SASH1: variants seen among roughly 807,000 people sequenced by gnomAD.
SASH1 encodes SAM and SH3 domain-containing protein 1.
Under a neutral mutation model 125.2 loss-of-function variants are expected in SASH1, and 44 were observed. The ratio of observed to expected loss-of-function variants is 0.35; its 90% CI spans 0.28 to 0.45. The LOEUF is 0.45. Among genes scored for constraint, SASH1 ranks in the 20% least tolerant of loss-of-function variants. SASH1 has a pLI of 1.00. For synonymous variants in SASH1, 639 were observed against 649.1 expected (o/e 0.98, Z 0.24); for missense variants, 1,426 against 1,614.5 (o/e 0.88, Z 2.00).
At chr6:148,348,504 C>T (rs1024046200) in intron 1 of SASH1, among the ~76,000 whole-genome samples, 4 of 152,092 alleles carry the variant, frequency 2.6e-5, no homozygotes, top group Non-Finnish European at 4.4e-5. Flanking sequence ...TCTATGGGGA[C>T]GGAGTGAGAG....
chr6:148,392,249 G>T (rs1245587034), intron 2 of SASH1, among the ~76,000 whole-genome samples: 1 of 147,532 alleles, frequency 6.8e-6, no homozygotes, highest in African/African-American at 2.5e-5. Context: ...TCGCGCCATT[G>T]CACTCCAGCC....
chr6:148,197,722 C>T, the SASH1 span, among the ~76,000 whole-genome samples: 2 of 152,190 alleles, frequency 1.3e-5, no homozygotes, highest in African/African-American at 4.8e-5. Flanking sequence ...GGCTCTGTGT[C>T]CCCACCTGAG....
rs1780278653 is a variant in SASH1, at chr6:148,513,729, C to A, written c.730-595C>A. Reference sequence around the variant, plus strand: ...AATGCAGGGTCTGTCCTCACATTCGCCTTGTGAGCCCTTAGAAGGAGCCGG... The same window carrying A: ...AATGCAGGGTCTGTCCTCACATTCGACTTGTGAGCCCTTAGAAGGAGCCGG... On this transcript the variant is annotated intron_variant, in intron 8 of 19. Transcript: ENST00000367467. 5.1e-6 allele frequency: 5 copies of A among 985,808 alleles called. No individual in the cohort carries two copies. The South Asian group carries it at 2.3e-4, about 46-fold the overall frequency. The allele number at this position is 985,808 out of a possible 1,614,324, so 61.1% of individuals were successfully genotyped here.
chr6:148,286,320 G>A (rs1255458033), intron 1 of SASH1, among the ~76,000 whole-genome samples: 1 of 151,840 alleles, frequency 6.6e-6, no homozygotes, highest in Non-Finnish European at 1.5e-5. Flanking sequence ...AGAATCACTT[G>A]AACCTGGGAG....
chr6:148,302,051 C>T (rs1460643995), intron 1 of SASH1, among the ~76,000 whole-genome samples: 1 of 151,070 alleles, frequency 6.6e-6, no homozygotes, highest in African/African-American at 2.4e-5. Context: ...CGTGGCGGCT[C>T]ACGCCTGTAA....
intron 8 of SASH1, chr6:148,513,761 C>A (rs557726782): frequency 1.1e-4 from 104 of 985,746 alleles, no homozygotes; most frequent in Non-Finnish European, 1.2e-4. Context: ...CCGGGAGAGG[C>A]GGAAGGGCTG....
chr6:148,367,323 A>C (rs1204042244), intron 1 of SASH1, among the ~76,000 whole-genome samples: 1 of 152,260 alleles, frequency 6.6e-6, no homozygotes, highest in Non-Finnish European at 1.5e-5. Context: ...AACACACCTC[A>C]GTCCTTTTAG....
intron 11 of SASH1, among the ~76,000 whole-genome samples, chr6:148,526,030 A>G (rs981641916): frequency 2.9e-5 from 4 of 138,630 alleles, no homozygotes; most frequent in African/African-American, 1.1e-4. Flanking sequence ...CTCAGACCCC[A>G]AGGGTGAAGG....
intron 8 of SASH1, among the ~76,000 whole-genome samples, chr6:148,512,254 G>T (rs1024158558): frequency 6.6e-6 from 1 of 152,072 alleles, no homozygotes; most frequent in East Asian, 1.9e-4. Flanking sequence ...ACCTGACCTC[G>T]TGATCCTCCC....
At chr6:148,342,279 A>G (rs912797457), upstream of SASH1, among the ~76,000 whole-genome samples, 18 of 152,164 alleles carry the variant, frequency 1.2e-4, no homozygotes, top group African/African-American at 4.3e-4. Flanking sequence ...AGGATTTGTA[A>G]TTCCTTGGGT....
At chr6:148,298,009 TA>T (rs1270519302) in intron 1 of SASH1, among the ~76,000 whole-genome samples, 58 of 147,750 alleles carry the variant, frequency 3.9e-4, no homozygotes, top group African/African-American at 1.3e-3. Context: ...GATTATTATA[TA>T]TATATTTTTT....
rs191655678 is a variant in SASH1 at position 148,473,532 on chromosome 6, G to A, written c.515-578G>A. On this transcript the variant is annotated intron_variant, in intron 6 of 19. Transcript: ENST00000367467. ...GCCTCCCAAAGTGCTGGGATTACAG[G>A]CATGAGCCACTGTGCCCGGTGCACT... Among the ~76,000 whole-genome samples the A allele has an allele frequency of 4.2e-4, 64 of 152,320 alleles. 1 individual carries two copies. The East Asian group carries it at 0.011, about 27-fold the overall frequency.
chr6:148,365,810 C>CA (rs924586281), intron 1 of SASH1, among the ~76,000 whole-genome samples: 111 of 146,384 alleles, frequency 7.6e-4, no homozygotes, highest in South Asian at 1.3e-3. Context: ...CCCATGTCTA[C>CA]AAAAAAAAAA....
At chr6:148,378,381 G>A (rs546851485) in intron 1 of SASH1, among the ~76,000 whole-genome samples, 5 of 143,044 alleles carry the variant, frequency 3.5e-5, no homozygotes, top group African/African-American at 5.2e-5. Context: ...TTGAGACAGG[G>A]TCTCACTCTG....
At chr6:148,451,690 A>T (rs1480271494) in intron 4 of SASH1, among the ~76,000 whole-genome samples, 3 of 152,250 alleles carry the variant, frequency 2.0e-5, no homozygotes, top group Non-Finnish European at 4.4e-5. Context: ...AGATGAAGGT[A>T]CAATACCAAG....
chr6:148,471,608 C>T (rs1778123514), intron 6 of SASH1, 105 bp downstream of exon 6: 1 of 705,756 alleles, frequency 1.4e-6, no homozygotes, highest in Non-Finnish European at 2.5e-6. Context: ...TAACTCACCG[C>T]ATGTGCCCAT....
intron 8 of SASH1, 118 bp from the exon 9 acceptor site, chr6:148,514,206 C>A (rs531664929): frequency 6.8e-7 from 1 of 1,474,738 alleles, no homozygotes; most frequent in African/African-American, 1.5e-5. Flanking sequence ...TGTTGGTTCC[C>A]AAGTTCAGCA....
At chr6:148,455,483 G>A (rs1777299202) in intron 4 of SASH1, among the ~76,000 whole-genome samples, 1 of 152,162 alleles carries the variant, frequency 6.6e-6, no homozygotes, top group South Asian at 2.1e-4. Context: ...CACAACATCA[G>A]AAGGGGAAGG....
At chr6:148,350,954 A>T (rs1156929618) in intron 1 of SASH1, among the ~76,000 whole-genome samples, 2 of 152,248 alleles carry the variant, frequency 1.3e-5, no homozygotes, top group Admixed American at 1.3e-4. Flanking sequence ...CTTTGCTCCT[A>T]GCCAGATGTT....
Sources: allele counts gnomAD v4.1 joint callset (sites outside exome capture counted in the v4.1 genomes callset), GRCh38; gene constraint gnomAD v4.1.1; transcripts MANE v1.5; gene names NCBI Gene and HGNC (gene_info 2026-07-23, HGNC 2026-07-21).